The following OR10G4 variants were observed in gnomAD, a reference collection of about 807,000 sequenced individuals.
OR10G4 encodes the protein olfactory receptor family 10 subfamily G member 4, also known as olfactory receptor 10G4.
For missense variants in OR10G4, 318 were observed against 388.8 expected (o/e 0.82, Z 1.53); for synonymous variants, 130 against 159.3 (o/e 0.82, Z 1.39).
In OR10G4 at chr11:124,015,838, C is replaced by A; in HGVS notation, c.264C>A (p.Gly88=). The A allele has an allele frequency of 6.2e-7, 1 of 1,610,098 alleles. No individual in the cohort carries two copies. The change falls in exon 2 of 2, where the codon GGC becomes GGA. Residue 88 remains glycine, a synonymous_variant. Transcript: ENST00000641722. ...TGATGACCTTGGTGTCCCCAAGCGG[C>A]AGGGCTATCTCCTTCCACAGCTGCG... The part of the protein sequence containing the change: ...KMLMTLVSPS[G]RAISFHSCVA...
chr11:124,016,225 T>G lies in OR10G4; in HGVS notation c.651T>G (p.Tyr217Ter), dbSNP rs1591464264. The G allele has an allele frequency of 1.9e-6, 3 of 1,614,232 alleles. No individual in the cohort carries two copies. Among genetic ancestry groups the G allele is most frequent in the Non-Finnish European group, 2.5e-6 (3 of 1,180,030 alleles). Residue 217 changes from tyrosine to a stop codon, truncating the protein, a stop_gained, in exon 2 of 2, where the codon TAT (tyrosine) becomes TAG (stop). Coordinates refer to ENST00000641722, the MANE Select transcript of OR10G4 (RefSeq NM_001004462.2). LOFTEE classifies it low-confidence loss of function (END_TRUNC). The stretch of plus-strand genomic sequence containing the variant: ...GCTTTGTCCTGATAGTGCTGTCCTA[T>G]GTGTCCATCGTCTGTTCCATCCTGC... ...SGCFVLIVLS[Y>*]VSIVCSILRI...
At chr11:124,015,434 C>T (rs996058182) in intron 1 of OR10G4, 114 bp from the exon 2 acceptor site, 10 of 1,010,074 alleles carry the variant, frequency 9.9e-6, no homozygotes, top group Admixed American at 5.6e-5. Flanking sequence ...TTGTAACAAG[C>T]GAAGTGCAGG....
Position 124,017,264 on chromosome 11 carries a change from T to C in OR10G4, c.*754T>C, listed in dbSNP as rs1388156946. 6.6e-6 allele frequency: 1 copy of C among 152,234 alleles called. No individual in the cohort carries two copies. Among genetic ancestry groups the C allele is most frequent in the Non-Finnish European group, 1.5e-5 (1 of 68,040 alleles). The allele number at this position is 152,234 out of a possible 1,614,324, so 9.4% of individuals were successfully genotyped here. ...TCTAACAACTACATATATAATTGTT[T>C]ACGCACTTTATACATTTGCACCCAT... On this transcript the variant is annotated 3_prime_UTR_variant, in exon 2 of 2. Transcript: ENST00000641722.
rs1375605769 is a variant in OR10G4 at position 124,016,878 on chromosome 11, A to T, written c.*368A>T. The T allele has an allele frequency of 6.2e-6, 1 of 161,302 alleles. No individual in the cohort carries two copies. The highest frequency in any genetic ancestry group is 2.4e-5 in the African/African-American group (1 of 41,728). 10.0% of individuals were successfully genotyped at this position (161,302 alleles called of 1,614,324 possible). On this transcript the variant is annotated 3_prime_UTR_variant, in exon 2 of 2. Coordinates refer to ENST00000641722, the MANE Select transcript of OR10G4 (RefSeq NM_001004462.2). ...CTTAAGAATTTACCATCATGGAGAC[A>T]TAGTTCAAAACCAGCAACAAATATT...
Position 124,016,736 on chromosome 11 carries a change from T to G in OR10G4, c.*226T>G. On this transcript the variant is annotated 3_prime_UTR_variant, in exon 2 of 2. Transcript: ENST00000641722. ...GAATTATTGACTCATTTCTCATCAA[T>G]AGGTTTATATTAAGTTTAAAACATA... 2.7e-6 allele frequency: 1 copy of G among 376,206 alleles called. No individual in the cohort carries two copies. Among genetic ancestry groups the G allele is most frequent in the Non-Finnish European group, 4.7e-6 (1 of 211,302 alleles). The allele number at this position is 376,206 out of a possible 1,614,324, so 23.3% of individuals were successfully genotyped here.
At position 124,018,282 on chromosome 11, in the gene OR10G4, A is replaced by T. The variant is rs1270429514; in HGVS notation, c.*1772A>T. On this transcript the variant is annotated 3_prime_UTR_variant, in exon 2 of 2. Transcript: ENST00000641722. ...TTTGTTATGTAGCAATACATGTGCC[A>T]TGTTGGTTTGCTGCACCCATCAACT... 6.6e-6 allele frequency: 1 copy of T among 152,192 alleles called. No individual in the cohort carries two copies. Among genetic ancestry groups the T allele is most frequent in the Non-Finnish European group, 1.5e-5 (1 of 68,040 alleles). 9.4% of individuals were successfully genotyped at this position (152,192 alleles called of 1,614,324 possible).
chr11:124,015,486 T>C (rs1311571017), intron 1 of OR10G4, 62 bp from the exon 2 acceptor site: 16 of 1,457,554 alleles, frequency 1.1e-5, no homozygotes, highest in Admixed American at 4.0e-5. Flanking sequence ...AGTTTCCACA[T>C]AGAGAATGGA....
chr11:124,017,103 A>G lies in OR10G4; in HGVS notation c.*593A>G, dbSNP rs1473704658. 6.6e-6 allele frequency: 1 copy of G among 152,170 alleles called. No homozygotes were observed. The highest frequency in any genetic ancestry group is 1.9e-4 in the East Asian group (1 of 5,196). The allele number at this position is 152,170 out of a possible 1,614,324, so 9.4% of individuals were successfully genotyped here. A position where few individuals can be genotyped will look rare whatever the true frequency, so the allele number is the denominator to read the frequency against. ...TATGTATTTGCCTATTTACATATATATCTGAAAACATTTCTAGAAACACTA... is the reference window on the plus strand; with the variant it reads ...TATGTATTTGCCTATTTACATATATGTCTGAAAACATTTCTAGAAACACTA... On this transcript the variant is annotated 3_prime_UTR_variant, in exon 2 of 2. Transcript: ENST00000641722.
At position 124,018,251 on chromosome 11, in the gene OR10G4, T is replaced by C. The variant is rs1257250402; in HGVS notation, c.*1741T>C. On this transcript the variant is annotated 3_prime_UTR_variant, in exon 2 of 2. Transcript: ENST00000641722. The stretch of plus-strand genomic sequence containing the variant: ...AGTTCTGGCATACATGTGCACAACG[T>C]GCAGGTTTGTTATGTAGCAATACAT... 6.6e-6 allele frequency: 1 copy of C among 152,336 alleles called. No individual in the cohort carries two copies. Among genetic ancestry groups the C allele is most frequent in the South Asian group, 2.1e-4 (1 of 4,826 alleles). 9.4% of individuals were successfully genotyped at this position (152,336 alleles called of 1,614,324 possible).
chr11:124,014,648 G>A (rs7928970), intron 1 of OR10G4, among the ~76,000 whole-genome samples: 65,778 of 151,962 alleles, frequency 0.43, 14,323 homozygotes, highest in Middle Eastern at 0.58. Flanking sequence ...TCAGCGAGGT[G>A]GGTGATGTTA....
chr11:124,016,690 T>C lies in OR10G4; in HGVS notation c.*180T>C. ...AACCTCACAGCTAGACTTATATTTA[T>C]GATGAACATGATTATATTCTGAATT... is the stretch of plus-strand genomic sequence containing the variant. On this transcript the variant is annotated 3_prime_UTR_variant, in exon 2 of 2. Transcript: ENST00000641722. 2.1e-6 allele frequency: 1 copy of C among 475,812 alleles called. No individual in the cohort carries two copies. Among genetic ancestry groups the C allele is most frequent in the Non-Finnish European group, 3.6e-6 (1 of 275,910 alleles). The allele number at this position is 475,812 out of a possible 1,614,324, so 29.5% of individuals were successfully genotyped here. A position where few individuals can be genotyped will look rare whatever the true frequency, so the allele number is the denominator to read the frequency against.
At chr11:124,014,072 A>AG (rs1031123458) in intron 1 of OR10G4, among the ~76,000 whole-genome samples, 1 of 152,148 alleles carries the variant, frequency 6.6e-6, no homozygotes, top group Non-Finnish European at 1.5e-5. Context: ...AGAACCTCCC[A>AG]GGGGATGGCC....
At position 124,013,422 on chromosome 11, in the gene OR10G4, G is replaced by A. The variant is rs559970477; in HGVS notation, c.-28+310G>A. Among the ~76,000 whole-genome samples the A allele has an allele frequency of 2.6e-5, 4 of 152,276 alleles. No homozygotes were observed. In the South Asian group the frequency reaches 6.2e-4, roughly 24 times the overall value. ...AAATCTGATTATGCTGTATTCCTGA[G>A]GATTGGGTCCTGCTGGTACAGTAGA... is the stretch of plus-strand genomic sequence containing the variant. On this transcript the variant is annotated intron_variant, in intron 1 of 1. Coordinates refer to ENST00000641722, the MANE Select transcript of OR10G4 (RefSeq NM_001004462.2).
At chr11:124,014,824 G>T (rs1864001444) in intron 1 of OR10G4, 1 of 152,084 alleles carries the variant, frequency 6.6e-6, no homozygotes, top group South Asian at 2.1e-4. Flanking sequence ...CTAAATTCCT[G>T]CCCACTGGTG....
At chr11:124,013,361 A>G (rs1242403809) in intron 1 of OR10G4, among the ~76,000 whole-genome samples, 5 of 152,166 alleles carry the variant, frequency 3.3e-5, no homozygotes, top group Non-Finnish European at 7.3e-5. Context: ...ATCAGGGAAC[A>G]ATGGACTTCA....
chr11:124,015,461 C>A, intron 1 of OR10G4, 87 bp from the exon 2 acceptor site: 3 of 1,247,734 alleles, frequency 2.4e-6, no homozygotes, highest in Non-Finnish European at 2.3e-6. Flanking sequence ...CCAGAATTAT[C>A]TACCTGGTTG....
chr11:124,014,274 C>T (rs10502277), intron 1 of OR10G4, among the ~76,000 whole-genome samples: 16,515 of 152,092 alleles, frequency 0.11, 1,063 homozygotes, highest in African/African-American at 0.18. Flanking sequence ...ATGAAATAGT[C>T]CACAAAGACA....
At chr11:124,015,431 A>T in intron 1 of OR10G4, 117 bp from the exon 2 acceptor site, 1 of 987,312 alleles carries the variant, frequency 1.0e-6, no homozygotes, top group Non-Finnish European at 1.5e-6. Context: ...GCTTTGTAAC[A>T]AGCGAAGTGC....
rs1301735221 is a variant in OR10G4 at position 124,016,514 on chromosome 11, C to T, written c.*4C>T. ...AGCACATCCTCAGAGGAAATAAATA[C>T]TAGGAAGTAAATACACTAGTTTGTT... On this transcript the variant is annotated 3_prime_UTR_variant, in exon 2 of 2. Coordinates refer to ENST00000641722, the MANE Select transcript of OR10G4 (RefSeq NM_001004462.2). 3.9e-6 allele frequency: 6 copies of T among 1,558,042 alleles called. No individual in the cohort carries two copies. In the African/African-American group the frequency reaches 6.9e-5, roughly 18 times the overall value.
Sources: gnomAD v4.1 joint callset for allele counts (sites outside exome capture counted in the v4.1 genomes callset) on GRCh38, gnomAD v4.1.1 for gene constraint, MANE v1.5 for transcripts, NCBI Gene and HGNC (gene_info 2026-07-23, HGNC 2026-07-21) for gene names.